The following CROCC variants were observed in gnomAD, a reference collection of about 807,000 sequenced individuals.
CROCC encodes the protein ciliary rootlet coiled-coil, rootletin.
CROCC carries 180 observed loss-of-function variants against 245.2 expected under a neutral mutation model. The ratio of observed to expected loss-of-function variants is 0.73; its 90% CI spans 0.65 to 0.83. The LOEUF is 0.83. Ranked by LOEUF, CROCC falls within the 40% of genes least tolerant of loss-of-function variation. The probability of loss-of-function intolerance (pLI) is 0.00; values close to 1 mark genes in which losing one functional copy is unlikely to be tolerated. For missense variants in CROCC, 2,688 were observed against 2,779.4 expected, an observed-to-expected ratio of 0.97 and a Z score of 0.74; for synonymous variants, 1,205 against 1,241.6, an observed-to-expected ratio of 0.97 and a Z score of 0.62.
chr1:16,964,906 C>T (rs964935436), intron 27 of CROCC, among the ~76,000 whole-genome samples: 1 of 152,202 alleles, frequency 6.6e-6, no homozygotes, highest in African/African-American at 2.4e-5. Flanking sequence ...GTCTCGAACT[C>T]CTGACCTCAG....
In CROCC at chr1:16,936,785, G is replaced by A. The variant is rs577438145; in HGVS notation, c.1105G>A (p.Glu369Lys). 7 of 1,611,852 alleles carry A rather than the reference G, an allele frequency of 4.3e-6. No homozygotes were observed. In the African/African-American group the frequency reaches 6.7e-5, roughly 15 times the overall value. Reference protein sequence around the residue: ...KQALLQAQLEEQLRDKVLREK... With the variant: ...KQALLQAQLEKQLRDKVLREK... ...GGCCCTGCTGCAGGCCCAGCTGGAG[G>A]AGCAGCTGCGGGACAAGGTGCTCCG... Residue 369 changes from glutamate to lysine, a missense_variant, in exon 9 of 37, where the codon GAG becomes AAG. Physicochemically the swap from Glu to Lys is moderately conservative, Grantham distance 56. This residue lies in a region of CROCC where 972 missense variants were observed against 895.3 expected (regional missense o/e 1.09). Coordinates refer to ENST00000375541, the MANE Select transcript of CROCC (RefSeq NM_014675.5).
At chr1:16,937,837 C>G (rs1376131825) in intron 10 of CROCC, 100 bp downstream of exon 10, 3 of 1,042,798 alleles carry the variant, frequency 2.9e-6, no homozygotes, top group Non-Finnish European at 4.4e-6. Flanking sequence ...TCACCCCCAG[C>G]GTCCCACTCA....
chr1:16,954,755 T>A lies in CROCC; in HGVS notation c.3343T>A (p.Ser1115Thr). ...CCAGAGCACCGTGAACGCTCTGACG[T>A]CTGAGCTGCGGGACCTACGGGCCCA... ...QDRSTVNALTSELRDLRAQRE... is the reference protein window; with the variant it reads ...QDRSTVNALTTELRDLRAQRE... Residue 1115 changes from serine to threonine, a missense_variant, in exon 23 of 37, where the codon TCT (serine) becomes ACT (threonine). By Grantham distance (58) the Ser-to-Thr change is moderately conservative (BLOSUM62 1). Transcript: ENST00000375541. The surrounding 1 kb of genome is among the most constrained non-coding windows in gnomAD (Gnocchi z 4.4). 1 of 1,556,672 alleles carries A rather than the reference T, an allele frequency of 6.4e-7. No homozygotes were observed. Among genetic ancestry groups the A allele is most frequent in the Non-Finnish European group, 8.7e-7 (1 of 1,151,100 alleles).
At chr1:16,923,983 A>G (rs961553575) in intron 2 of CROCC, among the ~76,000 whole-genome samples, 3 of 152,218 alleles carry the variant, frequency 2.0e-5, no homozygotes. Context: ...CGCCCCACCC[A>G]TATTACAGAT....
chr1:16,922,897 C>T (rs1236573783), intron 2 of CROCC, 99 bp downstream of exon 2: 1 of 1,495,146 alleles, frequency 6.7e-7, no homozygotes, highest in South Asian at 1.3e-5. Context: ...ATGACTGTAA[C>T]TCACTGTGGG....
At position 16,930,410 on chromosome 1, in the gene CROCC, T is replaced by TC; in HGVS notation, c.684-15dup. On this transcript the variant is annotated intron_variant, in intron 6 of 36. Coordinates refer to ENST00000375541, the MANE Select transcript of CROCC (RefSeq NM_014675.5). Reference sequence around the variant, plus strand: ...GGCCCCCTGCGCGAGCGCCTACTGATCCCCTGTGCCCCATTCAGGAGTGCC... The same window carrying TC: ...GGCCCCCTGCGCGAGCGCCTACTGATCCCCCTGTGCCCCATTCAGGAGTGCC... 2 of 1,611,396 alleles carry TC rather than the reference T, an allele frequency of 1.2e-6. No homozygotes were observed. Among genetic ancestry groups the TC allele is most frequent in the South Asian group, 2.2e-5 (2 of 90,852 alleles).
In CROCC at chr1:16,955,556, G is replaced by A; in HGVS notation, c.3704+6G>A. 1 of 1,521,752 alleles carries A rather than the reference G, an allele frequency of 6.6e-7. No homozygotes were observed. Among genetic ancestry groups the A allele is most frequent in the Non-Finnish European group, 8.8e-7 (1 of 1,139,458 alleles). 94.3% of individuals were successfully genotyped at this position (1,521,752 alleles called of 1,614,324 possible). On this transcript the variant is annotated splice_donor_region_variant and intron_variant, in intron 24 of 36. Coordinates refer to ENST00000375541, the MANE Select transcript of CROCC (RefSeq NM_014675.5). Reference sequence around the variant, plus strand: ...GCAGAGAGCGAGCGCATCAGGTGGGGTGTCGCAGGAGGACCAGTCCTGAGT... The same window carrying A: ...GCAGAGAGCGAGCGCATCAGGTGGGATGTCGCAGGAGGACCAGTCCTGAGT...
At chr1:16,961,163 A>G (rs1172787772) in intron 27 of CROCC, 33 bp downstream of exon 27, 3 of 1,259,244 alleles carry the variant, frequency 2.4e-6, no homozygotes, top group Admixed American at 4.6e-5. Flanking sequence ...GGAAGGGGGG[A>G]GGTGGGCGGG....
chr1:16,965,017 T>C (rs1026805529), intron 27 of CROCC, among the ~76,000 whole-genome samples: 34 of 152,048 alleles, frequency 2.2e-4, no homozygotes, highest in African/African-American at 7.0e-4. Context: ...GGTTTTACCA[T>C]GTTGGCCAGG....
At chr1:16,956,728 T>TAA (rs201462104) in intron 25 of CROCC, among the ~76,000 whole-genome samples, 5 of 140,948 alleles carry the variant, frequency 3.5e-5, no homozygotes, top group African/African-American at 5.2e-5. Context: ...TTTAAAAATG[T>TAA]AAAAAAAAAA....
intron 13 of CROCC, among the ~76,000 whole-genome samples, chr1:16,941,781 A>G (rs1303915800): frequency 1.3e-5 from 2 of 152,120 alleles, no homozygotes; most frequent in East Asian, 3.8e-4. Context: ...CCCTAGCCAC[A>G]TTTCAAGCAC....
rs1179609274 is a variant in CROCC, at chr1:16,956,166, C to T, written c.3864+10C>T. 1 of 1,528,660 alleles carries T rather than the reference C, an allele frequency of 6.5e-7. No individual in the cohort carries two copies. Among genetic ancestry groups the T allele is most frequent in the Non-Finnish European group, 8.8e-7 (1 of 1,133,712 alleles). 94.7% of individuals were successfully genotyped at this position (1,528,660 alleles called of 1,614,324 possible). ...GGAGCTCCGGCGTCAGGTACTCTCC[C>T]TGTGCCACCCCTTAGCCTGGGGCTT... On this transcript the variant is annotated intron_variant, in intron 25 of 36. Transcript: ENST00000375541.
At chr1:16,929,709 A>T (rs1436715902) in intron 3 of CROCC, 137 bp from the exon 4 acceptor site, 13 of 1,411,430 alleles carry the variant, frequency 9.2e-6, no homozygotes, top group Non-Finnish European at 2.8e-6. Context: ...GCTTGCCCAC[A>T]TGTGCTGCTC....
chr1:16,926,020 A>G (rs1167887078), intron 3 of CROCC, among the ~76,000 whole-genome samples: 2 of 152,268 alleles, frequency 1.3e-5, no homozygotes, highest in Non-Finnish European at 2.9e-5. Flanking sequence ...TTGGCAGGGA[A>G]GGGAAGAGGT....
rs113756816 is a variant in CROCC, at chr1:16,962,126, G to C, written c.4405+996G>C. Among the ~76,000 whole-genome samples the C allele has an allele frequency of 3.5e-3, 535 of 151,076 alleles. 2 individuals are homozygous for C. The highest frequency in any genetic ancestry group is 0.012 in the African/African-American group (500 of 41,164). ...TGCCCAAGCTGGAGTGCAGTAGCACGATCTCGGCTCACTGCAACCTCTGCC... is the reference window on the plus strand; with the variant it reads ...TGCCCAAGCTGGAGTGCAGTAGCACCATCTCGGCTCACTGCAACCTCTGCC... On this transcript the variant is annotated intron_variant, in intron 27 of 36. Transcript: ENST00000375541.
chr1:16,958,685 G>A lies in CROCC; in HGVS notation c.3967G>A (p.Glu1323Lys). ...GERAEKESRR[E>K]TLGLRQRLLK... ...GCGGGCAGAGAAGGAGAGCAGGCGG[G>A]AGACCCTGGGCCTCCGGCAGAGGCT... Residue 1323 changes from glutamate (E) to lysine (K), a missense_variant, in exon 26 of 37, where the codon GAG becomes AAG. Physicochemically the swap from Glu to Lys is moderately conservative, Grantham distance 56. Transcript: ENST00000375541. The A allele has an allele frequency of 6.4e-7, 1 of 1,557,794 alleles. No individual in the cohort carries two copies. Among genetic ancestry groups the A allele is most frequent in the Non-Finnish European group, 8.7e-7 (1 of 1,151,486 alleles).
At position 16,968,348 on chromosome 1, in the gene CROCC, G is replaced by A. The variant is rs890021899; in HGVS notation, c.5006G>A (p.Arg1669His). The change falls in exon 31 of 37, where the codon CGC (arginine) becomes CAC (histidine). Residue 1669 changes from arginine (R) to histidine (H), a missense_variant. Coordinates refer to ENST00000375541, the MANE Select transcript of CROCC (RefSeq NM_014675.5). The part of the protein sequence containing the change: ...RSLEGELQRS[R>H]LGLSDREAQA... ...CTTGAGGGGGAGCTGCAGCGCAGCC[G>A]CCTGGGCCTCAGTGACCGCGAGGCC... 14 of 1,544,062 alleles carry A rather than the reference G, an allele frequency of 9.1e-6. 1 individual carries two copies. Among genetic ancestry groups the A allele is most frequent in the East Asian group, 2.5e-5 (1 of 40,786 alleles).
intron 1 of CROCC, among the ~76,000 whole-genome samples, chr1:16,915,373 G>T (rs2075291034): frequency 6.6e-6 from 1 of 152,404 alleles, no homozygotes; most frequent in East Asian, 1.9e-4. Context: ...ATGCACTGTG[G>T]AAGTGACAGT....
In CROCC at chr1:16,948,355, G is replaced by A. The variant is rs572095631; in HGVS notation, c.2539G>A (p.Glu847Lys). 15 of 1,579,246 alleles carry A rather than the reference G, an allele frequency of 9.5e-6. No homozygotes were observed. The highest frequency in any genetic ancestry group is 1.8e-5 in the Admixed American group (1 of 55,986). Reference protein sequence around the residue: ...AQLSRQLSGREQELEQARREA... With the variant: ...AQLSRQLSGRKQELEQARREA... Reference sequence around the variant, plus strand: ...GCTCTCCCGGCAGCTGAGCGGGCGGGAGCAGGAGCTGGAGCAGGCCCGGCG... The same window carrying A: ...GCTCTCCCGGCAGCTGAGCGGGCGGAAGCAGGAGCTGGAGCAGGCCCGGCG... Residue 847 changes from glutamate (E) to lysine (K), a missense_variant, in exon 18 of 37, where the codon GAG (glutamate) becomes AAG (lysine). Physicochemically the swap from Glu to Lys is moderately conservative, Grantham distance 56 (BLOSUM62 1). Coordinates refer to ENST00000375541, the MANE Select transcript of CROCC (RefSeq NM_014675.5).
Sources: allele counts gnomAD v4.1 joint callset (sites outside exome capture counted in the v4.1 genomes callset), GRCh38; gene constraint gnomAD v4.1.1; regional missense constraint gnomAD v4.1.1; non-coding constraint Gnocchi (gnomAD v3.1); transcripts MANE v1.5; gene names NCBI Gene and HGNC (gene_info 2026-07-23, HGNC 2026-07-21).